Variants in JPH3 observed in about 807,000 individuals in gnomAD.
JPH3 encodes the protein junctophilin 3.
JPH3 carries 11 observed loss-of-function variants against 59.6 expected under a neutral mutation model. That is an observed-to-expected ratio of 0.18 (90% CI 0.12 to 0.31). JPH3 has a LOEUF of 0.31. JPH3 is among the 10% of genes least tolerant of loss of function. JPH3 has a pLI of 1.00. For synonymous variants in JPH3, 673 were observed against 483.6 expected, an observed-to-expected ratio of 1.39 and a Z score of -5.14; for missense variants, 1,202 against 1,105.7, an observed-to-expected ratio of 1.09 and a Z score of -1.24.
At chr16:87,672,360 C>T (rs1487511546) in intron 2 of JPH3, among the ~76,000 whole-genome samples, 1 of 152,236 alleles carries the variant, frequency 6.6e-6, no homozygotes, top group Non-Finnish European at 1.5e-5. Context: ...CCTGGCCCTG[C>T]TCCCAGACCC....
intron 2 of JPH3, among the ~76,000 whole-genome samples, chr16:87,659,100 G>A (rs1409204287): frequency 6.6e-6 from 1 of 152,200 alleles, no homozygotes; most frequent in Admixed American, 6.5e-5. Flanking sequence ...ACAGACGGGT[G>A]TGGTGGCTCA....
chr16:87,650,672 A>T (rs141555430), intron 2 of JPH3, among the ~76,000 whole-genome samples: 2 of 152,224 alleles, frequency 1.3e-5, no homozygotes, highest in Non-Finnish European at 2.9e-5. Context: ...GTTATTGCTG[A>T]TATGGAGAAA....
At chr16:87,684,419 A>C (rs2150875034) in intron 3 of JPH3, 153 bp downstream of exon 3, 2 of 1,301,616 alleles carry the variant, frequency 1.5e-6, no homozygotes, top group South Asian at 3.0e-5. Context: ...CTCCCGCCGA[A>C]GGTGCTTGTT....
intron 2 of JPH3, among the ~76,000 whole-genome samples, chr16:87,648,722 C>G (rs1049967481): frequency 6.6e-6 from 1 of 152,182 alleles, no homozygotes; most frequent in Non-Finnish European, 1.5e-5. Flanking sequence ...TTCTAAGGCA[C>G]AGGATGGATA....
chr16:87,693,041 T>C (rs1333804771), intron 4 of JPH3, among the ~76,000 whole-genome samples: 1 of 152,228 alleles, frequency 6.6e-6, no homozygotes, highest in Non-Finnish European at 1.5e-5. Context: ...CCCTGCAGGC[T>C]GGCCCGGCCC....
intron 1 of JPH3, among the ~76,000 whole-genome samples, chr16:87,637,007 G>A (rs2031772650): frequency 6.6e-6 from 1 of 152,216 alleles, no homozygotes; most frequent in South Asian, 2.1e-4. Context: ...CGGGGGTCAG[G>A]CCTCCACAAG....
In JPH3 at chr16:87,659,384, AAAG is replaced by A. The variant is rs1209941567; in HGVS notation, c.1160+14352_1160+14354del. Among the ~76,000 whole-genome samples the A allele has an allele frequency of 7.5e-5, 9 of 120,604 alleles. 1 individual carries two copies. The highest frequency in any genetic ancestry group is 5.3e-4 in the South Asian group (2 of 3,782). The allele number at this position is 120,604 out of a possible 152,430, so 79.1% of individuals were successfully genotyped here. A position where few individuals can be genotyped will look rare whatever the true frequency, so the allele number is the denominator to read the frequency against. On this transcript the variant is annotated intron_variant, in intron 2 of 4. Transcript: ENST00000284262. ...AGAGTAAGACTGTCTCAAAAAAAAA[AAAG>A]AAAAAAAAAAAGAAAACTACACACA...
chr16:87,674,033 T>TA (rs369927115), intron 2 of JPH3, among the ~76,000 whole-genome samples: 38,077 of 145,354 alleles, frequency 0.26, 5,151 homozygotes, highest in East Asian at 0.45. Flanking sequence ...AGTGTTAAGT[T>TA]AAAAAAAAAA....
At chr16:87,683,772 A>G (rs1443587760) in intron 2 of JPH3, among the ~76,000 whole-genome samples, 26 of 151,904 alleles carry the variant, frequency 1.7e-4, no homozygotes, top group Admixed American at 1.7e-3. Flanking sequence ...ACACCCAGCT[A>G]ATTTTGTATT....
At chr16:87,660,446 T>A (rs115599131) in intron 2 of JPH3, among the ~76,000 whole-genome samples, 1 of 152,094 alleles carries the variant, frequency 6.6e-6, no homozygotes, top group Non-Finnish European at 1.5e-5. Flanking sequence ...TGTCCCCAAG[T>A]GGCCAAGCTA....
chr16:87,648,740 C>T (rs928634925), intron 2 of JPH3, among the ~76,000 whole-genome samples: 5 of 152,198 alleles, frequency 3.3e-5, no homozygotes, highest in African/African-American at 7.2e-5. Context: ...ATACCCTCCT[C>T]GGCCATGTGA....
At chr16:87,666,580 A>G (rs146991398) in intron 2 of JPH3, among the ~76,000 whole-genome samples, 57 of 151,518 alleles carry the variant, frequency 3.8e-4, no homozygotes, top group African/African-American at 1.4e-3. Flanking sequence ...ATTTTTTTGT[A>G]GAGATAGGGG....
intron 2 of JPH3, among the ~76,000 whole-genome samples, chr16:87,680,174 A>C (rs921294637): frequency 6.6e-6 from 1 of 152,212 alleles, no homozygotes; most frequent in African/African-American, 2.4e-5. Flanking sequence ...TCAGTAAGGG[A>C]GGAGGCTGGC....
chr16:87,643,989 G>A (rs777383119), intron 1 of JPH3, among the ~76,000 whole-genome samples: 1 of 152,170 alleles, frequency 6.6e-6, no homozygotes, highest in Non-Finnish European at 1.5e-5. Context: ...AATTTACAAA[G>A]TAGTGGAGCA....
rs925316679 is a variant in JPH3 at position 87,611,797 on chromosome 16, G to A, written c.382+8269G>A. On this transcript the variant is annotated intron_variant, in intron 1 of 4. Coordinates refer to ENST00000284262, the MANE Select transcript of JPH3 (RefSeq NM_020655.4). The surrounding 1 kb of genome is among the most constrained non-coding windows in gnomAD (Gnocchi z 4.5). ...TCTTACAAATTTCAGGCGATGCTGA[G>A]GCTGCTGATCTGGGGACCTCACATT... Among the ~76,000 whole-genome samples the A allele has an allele frequency of 6.6e-6, 1 of 152,244 alleles. No homozygotes were observed. Among genetic ancestry groups the A allele is most frequent in the Non-Finnish European group, 1.5e-5 (1 of 68,046 alleles).
At chr16:87,624,470 G>A (rs760826443) in intron 1 of JPH3, among the ~76,000 whole-genome samples, 1 of 152,214 alleles carries the variant, frequency 6.6e-6, no homozygotes, top group African/African-American at 2.4e-5. Flanking sequence ...GTTCACCCGC[G>A]TGGGAGCTGC....
At chr16:87,621,851 C>T (rs1215872472) in intron 1 of JPH3, among the ~76,000 whole-genome samples, 1 of 152,134 alleles carries the variant, frequency 6.6e-6, no homozygotes, top group African/African-American at 2.4e-5. Context: ...CCTGTGGGTG[C>T]GTTGGTCACT....
chr16:87,643,790 G>C (rs1050186323), intron 1 of JPH3, among the ~76,000 whole-genome samples: 1 of 152,178 alleles, frequency 6.6e-6, no homozygotes, highest in Non-Finnish European at 1.5e-5. Context: ...GGTGATAGAA[G>C]TTGTAGGAAG....
intron 2 of JPH3, among the ~76,000 whole-genome samples, chr16:87,649,930 C>A (rs116742216): frequency 6.6e-6 from 1 of 152,198 alleles, no homozygotes; most frequent in Non-Finnish European, 1.5e-5. Flanking sequence ...TCTGCTGGGA[C>A]CCCCTCTCTG....
Sources: gnomAD v4.1 joint callset for allele counts (sites outside exome capture counted in the v4.1 genomes callset) on GRCh38, gnomAD v4.1.1 for gene constraint, Gnocchi (gnomAD v3.1) non-coding constraint, MANE v1.5 for transcripts, NCBI Gene and HGNC (gene_info 2026-07-23, HGNC 2026-07-21) for gene names.